TMEM45A: variants seen among roughly 807,000 people sequenced by gnomAD.
TMEM45A encodes DNA polymerase-transactivated protein 4.
TMEM45A carries 25 observed loss-of-function variants against 32.0 expected under a neutral mutation model. That is an observed-to-expected ratio of 0.78 (90% CI 0.57 to 1.09). TMEM45A has a LOEUF of 1.09. Ranked by LOEUF, TMEM45A falls within the 50% of genes least tolerant of loss-of-function variation. The probability of loss-of-function intolerance (pLI) is 0.00; values close to 1 mark genes in which losing one functional copy is unlikely to be tolerated. For missense variants in TMEM45A, 302 were observed against 325.0 expected (o/e 0.93, Z 0.54); for synonymous variants, 122 against 114.8 (o/e 1.06, Z -0.40).
At chr3:100,557,049 C>T in intron 3 of TMEM45A, 77 bp downstream of exon 3, 1 of 1,454,906 alleles carries the variant, frequency 6.9e-7, no homozygotes, top group Non-Finnish European at 9.6e-7. Flanking sequence ...TAATATACCT[C>T]TGGCATCTTG....
At chr3:100,544,956 G>T (rs1705955943) in intron 1 of TMEM45A, among the ~76,000 whole-genome samples, 1 of 152,160 alleles carries the variant, frequency 6.6e-6, no homozygotes, top group Admixed American at 6.5e-5. Flanking sequence ...CACCTGCAGT[G>T]TATAAGAGTT....
At chr3:100,497,289 A>G (rs1255576667) in intron 1 of TMEM45A, among the ~76,000 whole-genome samples, 1 of 152,194 alleles carries the variant, frequency 6.6e-6, no homozygotes, top group Admixed American at 6.5e-5. Flanking sequence ...TATCTGTAAA[A>G]TGGGGGTACT....
chr3:100,513,408 T>G (rs1226729686), intron 1 of TMEM45A, among the ~76,000 whole-genome samples: 11 of 150,688 alleles, frequency 7.3e-5, no homozygotes, highest in Admixed American at 2.6e-4. Flanking sequence ...AGAAAAGGCC[T>G]TTGACAAAAT....
At chr3:100,550,296 A>G (rs1706069493) in intron 1 of TMEM45A, among the ~76,000 whole-genome samples, 1 of 152,162 alleles carries the variant, frequency 6.6e-6, no homozygotes, top group Non-Finnish European at 1.5e-5. Context: ...AAGAAGACTC[A>G]TTCAAAACCA....
chr3:100,576,949 G>A lies in TMEM45A; in HGVS notation c.759G>A (p.Arg253=). 6.2e-7 allele frequency: 1 copy of A among 1,613,426 alleles called. No individual in the cohort carries two copies. The highest frequency in any genetic ancestry group is 1.1e-5 in the South Asian group (1 of 90,994). ...ITWLVKSRLK[R]LCSSEVGLLK... ...GGTTGGTTAAATCTAGACTTAAGAG[G>A]CTCTGCTCCTCAGAAGTTGGACTTC... Residue 253 remains arginine, a synonymous_variant, in exon 6 of 6, where the codon AGG becomes AGA. Coordinates refer to ENST00000323523, the MANE Select transcript of TMEM45A (RefSeq NM_018004.3).
At chr3:100,514,159 C>T (rs1344880172) in intron 1 of TMEM45A, among the ~76,000 whole-genome samples, 1 of 152,180 alleles carries the variant, frequency 6.6e-6, no homozygotes, top group Admixed American at 6.5e-5. Context: ...AAAGAGCCCG[C>T]ATTGCCAAGT....
Position 100,493,668 on chromosome 3 carries a change from T to C in TMEM45A, c.-4+740T>C, listed in dbSNP as rs912849171. Among the ~76,000 whole-genome samples the C allele has an allele frequency of 1.1e-4, 16 of 152,150 alleles. 1 individual carries two copies. The highest frequency in any genetic ancestry group is 3.4e-4 in the African/African-American group (14 of 41,406). On this transcript the variant is annotated intron_variant, in intron 1 of 5. Transcript: ENST00000323523. ...TATGTATACACTATGCTATATGGTG[T>C]ATATGCTCTATGTATGCTATATAGT...
chr3:100,571,502 C>A (rs1258674876), intron 5 of TMEM45A: 1 of 152,064 alleles, frequency 6.6e-6, no homozygotes, highest in African/African-American at 2.4e-5. Flanking sequence ...ATCTTAATAG[C>A]TACTTAAGAA....
chr3:100,507,888 A>G (rs763425592), intron 1 of TMEM45A, among the ~76,000 whole-genome samples: 3 of 151,590 alleles, frequency 2.0e-5, no homozygotes, highest in Non-Finnish European at 4.4e-5. Flanking sequence ...AGGGGGCTTC[A>G]AGATATTTGA....
chr3:100,516,355 T>C (rs911078808), intron 1 of TMEM45A, among the ~76,000 whole-genome samples: 1 of 152,226 alleles, frequency 6.6e-6, no homozygotes, highest in Non-Finnish European at 1.5e-5. Flanking sequence ...TAGTGACTTA[T>C]GTTTTGTGGT....
intron 1 of TMEM45A, among the ~76,000 whole-genome samples, chr3:100,512,360 G>A (rs11920571): frequency 0.29 from 44,005 of 151,534 alleles, 8,277 homozygotes; most frequent in African/African-American, 0.53. Flanking sequence ...TGAACAACCT[G>A]CTCCTGAATG....
Position 100,525,600 on chromosome 3 carries a change from C to T in TMEM45A, c.-3-29609C>T, listed in dbSNP as rs529142943. ...TTCAGCTGGCCCATGGAAGGCCTCG[C>T]TGAGGAAGACACATTTGTGCTGTGC... On this transcript the variant is annotated intron_variant, in intron 1 of 5. Coordinates refer to ENST00000323523, the MANE Select transcript of TMEM45A (RefSeq NM_018004.3). 3.3e-4 allele frequency among the ~76,000 whole-genome samples: 50 copies of T among 152,372 alleles called. 1 individual carries two copies. The highest frequency in any genetic ancestry group is 2.3e-3 in the Admixed American group (35 of 15,306).
At chr3:100,509,804 G>A (rs1274261754) in intron 1 of TMEM45A, among the ~76,000 whole-genome samples, 6 of 152,206 alleles carry the variant, frequency 3.9e-5, no homozygotes, top group Non-Finnish European at 5.9e-5. Flanking sequence ...TGCCTCACTC[G>A]GGAAGTGCAA....
chr3:100,569,494 A>G (rs1400437305), intron 5 of TMEM45A, among the ~76,000 whole-genome samples: 2 of 152,248 alleles, frequency 1.3e-5, no homozygotes, highest in East Asian at 3.8e-4. Context: ...ATAGGTGGGT[A>G]AGGAGCAGTA....
At chr3:100,510,009 G>C (rs937162321) in intron 1 of TMEM45A, among the ~76,000 whole-genome samples, 1 of 152,072 alleles carries the variant, frequency 6.6e-6, no homozygotes, top group Non-Finnish European at 1.5e-5. Flanking sequence ...AGCAGTCTGA[G>C]ATCAAACTGC....
intron 1 of TMEM45A, among the ~76,000 whole-genome samples, chr3:100,544,682 A>C (rs147274117): frequency 6.6e-5 from 10 of 152,110 alleles, no homozygotes; most frequent in African/African-American, 2.2e-4. Flanking sequence ...AGGTTTTTGC[A>C]TGTATCAGTA....
chr3:100,544,789 A>G (rs535520014), intron 1 of TMEM45A, among the ~76,000 whole-genome samples: 2 of 152,344 alleles, frequency 1.3e-5, no homozygotes, highest in East Asian at 3.9e-4. Flanking sequence ...AAATAAAGCT[A>G]CTATGAGGAT....
intron 1 of TMEM45A, among the ~76,000 whole-genome samples, chr3:100,496,627 C>G (rs924422124): frequency 2.0e-5 from 3 of 152,154 alleles, no homozygotes; most frequent in African/African-American, 7.2e-5. Context: ...CTGGCGGGGG[C>G]CAGAATATCA....
intron 1 of TMEM45A, among the ~76,000 whole-genome samples, chr3:100,549,457 G>A (rs1047378608): frequency 7.2e-5 from 11 of 152,214 alleles, no homozygotes; most frequent in African/African-American, 2.7e-4. Flanking sequence ...TCTCAGAGCA[G>A]GTGGCACATG....
Sources: allele counts gnomAD v4.1 joint callset (sites outside exome capture counted in the v4.1 genomes callset), GRCh38; gene constraint gnomAD v4.1.1; transcripts MANE v1.5; gene names NCBI Gene and HGNC (gene_info 2026-07-23, HGNC 2026-07-21).